MAP2K6: variants seen among roughly 807,000 people sequenced by gnomAD.
The protein encoded by MAP2K6 is mitogen-activated protein kinase kinase 6.
A neutral mutation model predicts 53.7 loss-of-function variants in MAP2K6; 16 were observed. That is an observed-to-expected ratio of 0.30 (90% CI 0.20 to 0.45). The LOEUF (loss-of-function observed/expected upper bound fraction) is 0.45. Among genes scored for constraint, MAP2K6 ranks in the 20% least tolerant of loss-of-function variants. MAP2K6 has a pLI of 1.00. For synonymous variants in MAP2K6, 132 were observed against 143.1 expected, an observed-to-expected ratio of 0.92 and a Z score of 0.55; for missense variants, 204 against 411.9, an observed-to-expected ratio of 0.50 and a Z score of 4.37.
In MAP2K6 at chr17:69,508,041, G is replaced by GTTTTTTTTTTTTTTTTTTT. The variant is rs71144698; in HGVS notation, c.83+2204_83+2222dup. Among the ~76,000 whole-genome samples the GTTTTTTTTTTTTTTTTTTT allele has an allele frequency of 8.9e-5, 4 of 44,874 alleles. 2 individuals are homozygous for GTTTTTTTTTTTTTTTTTTT. The highest frequency in any genetic ancestry group is 1.7e-4 in the African/African-American group (2 of 11,662). 29.4% of individuals were successfully genotyped at this position (44,874 alleles called of 152,430 possible). A position where few individuals can be genotyped will look rare whatever the true frequency, so the allele number is the denominator to read the frequency against. On this transcript the variant is annotated intron_variant, in intron 2 of 11. Transcript: ENST00000590474. ...TCTGATGTGTAGTGATATATATGTAGTTTTTTTTTTTTTTTTTTTTTTTTT... is the reference window on the plus strand; with the variant it reads ...TCTGATGTGTAGTGATATATATGTAGTTTTTTTTTTTTTTTTTTTTTTTTTTTTTTTTTTTTTTTTTTTT...
chr17:69,543,362 T>C lies in MAP2K6; in HGVS notation c.*1609T>C, dbSNP rs559465813. 4.6e-5 allele frequency: 7 copies of C among 152,306 alleles called. No individual in the cohort carries two copies. The South Asian group carries it at 1.5e-3, about 32-fold the overall frequency. 9.4% of individuals were successfully genotyped at this position (152,306 alleles called of 1,614,324 possible). A position where few individuals can be genotyped will look rare whatever the true frequency, so the allele number is the denominator to read the frequency against. On this transcript the variant is annotated 3_prime_UTR_variant, in exon 12 of 12. Transcript: ENST00000590474. ...AAGTGCAATCATATGTTTTTCTCTG[T>C]TTGCATTTTTTCCTCCTTGTTCTTG...
chr17:69,493,225 T>G (rs998115805), intron 1 of MAP2K6, among the ~76,000 whole-genome samples: 1 of 152,104 alleles, frequency 6.6e-6, no homozygotes, highest in Non-Finnish European at 1.5e-5. Flanking sequence ...TGTTTTTACC[T>G]TATGAAAATG....
At chr17:69,436,938 C>T (rs1457493887) in intron 1 of MAP2K6, among the ~76,000 whole-genome samples, 1 of 152,098 alleles carries the variant, frequency 6.6e-6, no homozygotes, top group Non-Finnish European at 1.5e-5. Context: ...GATTCTCCTG[C>T]CTCAGCCTCC....
At chr17:69,525,194 C>T (rs1423724864) in intron 9 of MAP2K6, among the ~76,000 whole-genome samples, 1 of 152,140 alleles carries the variant, frequency 6.6e-6, no homozygotes, top group Non-Finnish European at 1.5e-5. Flanking sequence ...TTGATTCCAC[C>T]TCTGACGAGC....
In MAP2K6 at chr17:69,487,567, C is replaced by A. The variant is rs189716426; in HGVS notation, c.17-18213C>A. Among the ~76,000 whole-genome samples the A allele has an allele frequency of 1.0e-3, 157 of 152,312 alleles. 1 individual carries two copies. The highest frequency in any genetic ancestry group is 3.6e-3 in the African/African-American group (151 of 41,566). ...GAGCATCACAGCCTATATTGATTTG[C>A]TCCTTTAATGCCACCAAGGTAGATA... On this transcript the variant is annotated intron_variant, in intron 1 of 11. Coordinates refer to ENST00000590474, the MANE Select transcript of MAP2K6 (RefSeq NM_002758.4).
chr17:69,529,585 A>C (rs913909472), intron 10 of MAP2K6, among the ~76,000 whole-genome samples: 1 of 138,224 alleles, frequency 7.2e-6, no homozygotes, highest in Non-Finnish European at 1.5e-5. Context: ...ATCTCAGCTC[A>C]CTGCAAGCTC....
At position 69,520,400 on chromosome 17, in the gene MAP2K6, G is replaced by C. The variant is rs376761483; in HGVS notation, c.483+14G>C. On this transcript the variant is annotated intron_variant, in intron 6 of 11. Transcript: ENST00000590474. The stretch of plus-strand genomic sequence containing the variant: ...ATAGCAGTTTCTGTGAGTACATTTT[G>C]ATCCCTACTGCAAGGATAATGTGAG... 6 of 1,432,390 alleles carry C rather than the reference G, an allele frequency of 4.2e-6. No homozygotes were observed. The African/African-American group carries it at 8.5e-5, about 20-fold the overall frequency. 88.7% of individuals were successfully genotyped at this position (1,432,390 alleles called of 1,614,324 possible).
At chr17:69,461,797 T>C (rs992749835) in intron 1 of MAP2K6, among the ~76,000 whole-genome samples, 2 of 152,130 alleles carry the variant, frequency 1.3e-5, no homozygotes, top group African/African-American at 4.8e-5. Flanking sequence ...ACCAGCTTAA[T>C]AGTAGTCAGG....
intron 1 of MAP2K6, among the ~76,000 whole-genome samples, chr17:69,449,674 G>A (rs1374496073): frequency 3.0e-5 from 4 of 131,226 alleles, no homozygotes; most frequent in Non-Finnish European, 4.6e-5. Context: ...GTGCAGTGGC[G>A]CGATCTCGGC....
At chr17:69,495,825 C>T (rs1480027666) in intron 1 of MAP2K6, among the ~76,000 whole-genome samples, 1 of 152,088 alleles carries the variant, frequency 6.6e-6, no homozygotes, top group African/African-American at 2.4e-5. Context: ...AACCCATTGC[C>T]ATTTTTTATT....
chr17:69,466,581 CG>C (rs1431034598), intron 1 of MAP2K6, among the ~76,000 whole-genome samples: 1 of 152,166 alleles, frequency 6.6e-6, no homozygotes, highest in Non-Finnish European at 1.5e-5. Flanking sequence ...GGTTTGAAAC[CG>C]GGCAAGACTT....
chr17:69,508,903 T>C (rs566913185), intron 2 of MAP2K6, among the ~76,000 whole-genome samples: 4 of 152,384 alleles, frequency 2.6e-5, no homozygotes, highest in Admixed American at 2.6e-4. Flanking sequence ...TGCTCCTTTG[T>C]CAATACCAAT....
chr17:69,523,716 G>A, intron 8 of MAP2K6, 75 bp downstream of exon 8: 1 of 1,570,476 alleles, frequency 6.4e-7, no homozygotes, highest in Non-Finnish European at 8.7e-7. Flanking sequence ...GAAATGGATG[G>A]CCACAGAGGG....
At position 69,425,548 on chromosome 17, in the gene MAP2K6, T is replaced by C. The variant is rs536414894; in HGVS notation, c.16+10548T>C. Among the ~76,000 whole-genome samples the C allele has an allele frequency of 2.5e-3, 379 of 152,214 alleles. 1 individual carries two copies. Among genetic ancestry groups the C allele is most frequent in the African/African-American group, 8.6e-3 (358 of 41,522 alleles). ...GGCTGGTGTTGAACTCCTGACCTCA[T>C]GATTCGCCCGCCTCGGCCTCCCAAA... On this transcript the variant is annotated intron_variant, in intron 1 of 11. Transcript: ENST00000590474.
At chr17:69,456,877 G>A (rs2586545) in intron 1 of MAP2K6, among the ~76,000 whole-genome samples, 77,433 of 151,928 alleles carry the variant, frequency 0.51, 19,966 homozygotes, top group Non-Finnish European at 0.54. Flanking sequence ...CTGTCCCCAC[G>A]CTTCCGTTTT....
intron 8 of MAP2K6, 109 bp from the exon 9 acceptor site, chr17:69,524,792 A>G (rs1156857090): frequency 5.4e-6 from 4 of 741,028 alleles, no homozygotes; most frequent in Non-Finnish European, 4.7e-6. Context: ...TTAACAGCTT[A>G]TAACAACTCA....
chr17:69,475,819 C>T (rs1407325674), intron 1 of MAP2K6, among the ~76,000 whole-genome samples: 1 of 152,164 alleles, frequency 6.6e-6, no homozygotes, highest in Admixed American at 6.5e-5. Flanking sequence ...TTGGTCTAAA[C>T]CAATCATGAT....
At chr17:69,465,936 T>G (rs1272544950) in intron 1 of MAP2K6, among the ~76,000 whole-genome samples, 1 of 150,550 alleles carries the variant, frequency 6.6e-6, no homozygotes, top group Non-Finnish European at 1.5e-5. Context: ...TGCTTTTTAG[T>G]GCCTCTAATT....
chr17:69,526,338 A>G (rs1454898872), intron 9 of MAP2K6, among the ~76,000 whole-genome samples: 1 of 152,158 alleles, frequency 6.6e-6, no homozygotes, highest in East Asian at 1.9e-4. Context: ...CCCATTTTAG[A>G]TAGGCTTAAG....
Sources: gnomAD v4.1 joint callset for allele counts (sites outside exome capture counted in the v4.1 genomes callset) on GRCh38, gnomAD v4.1.1 for gene constraint, MANE v1.5 for transcripts, NCBI Gene and HGNC (gene_info 2026-07-23, HGNC 2026-07-21) for gene names.